The following MRPL34 variants were observed in gnomAD, a reference collection of about 807,000 sequenced individuals.
MRPL34 encodes the protein mitochondrial ribosomal protein L34.
In MRPL34, 8 loss-of-function variants were observed where a neutral mutation model predicts 6.7. The ratio of observed to expected loss-of-function variants is 1.20; its 90% CI spans 0.70 to 2.16. The LOEUF (loss-of-function observed/expected upper bound fraction) is 2.16. Among genes scored for constraint, MRPL34 ranks in the 30% most tolerant of loss-of-function variants. The pLI, the probability that MRPL34 is intolerant of heterozygous loss-of-function variation, is 0.00. For synonymous variants in MRPL34, 59 were observed against 55.1 expected, an observed-to-expected ratio of 1.07 and a Z score of -0.31; for missense variants, 146 against 125.5, an observed-to-expected ratio of 1.16 and a Z score of -0.78.
At chr19:17,294,490 C>G in intron 1 of MRPL34, 1 of 1,613,910 alleles carries the variant, frequency 6.2e-7, no homozygotes, top group Non-Finnish European at 8.5e-7. Context: ...GGCTCCTTGG[C>G]GGGCGAAGCC....
chr19:17,303,392 G>T (rs1026351676), upstream of MRPL34: 1 of 152,228 alleles, frequency 6.6e-6, no homozygotes, highest in African/African-American at 2.4e-5. Flanking sequence ...TCAGCGCAGG[G>T]GCATCCCGCG....
chr19:17,301,292 C>A (rs772333400), upstream of MRPL34: 20 of 1,607,040 alleles, frequency 1.2e-5, no homozygotes, highest in Non-Finnish European at 1.6e-5. Flanking sequence ...TCCCCAGAGC[C>A]ATTCTGCCCG....
At chr19:17,300,058 C>T (rs1043807734), upstream of MRPL34, among the ~76,000 whole-genome samples, 1 of 151,894 alleles carries the variant, frequency 6.6e-6, no homozygotes, top group African/African-American at 2.4e-5. Flanking sequence ...GTGCCCACCA[C>T]CACACCCAGC....
chr19:17,303,024 C>T (rs2074128134), upstream of MRPL34: 1 of 152,210 alleles, frequency 6.6e-6, no homozygotes, highest in Non-Finnish European at 1.5e-5. Flanking sequence ...GGGCCCTAAT[C>T]CCGGATTGTG....
intron 1 of MRPL34, chr19:17,294,435 T>C (rs753031036): frequency 1.2e-6 from 2 of 1,614,136 alleles, no homozygotes; most frequent in South Asian, 2.2e-5. Flanking sequence ...GTACGAAGGA[T>C]GACACGTTGA....
chr19:17,294,591 T>C (rs981887148), intron 1 of MRPL34: 9 of 1,607,372 alleles, frequency 5.6e-6, no homozygotes, highest in Non-Finnish European at 7.7e-6. Context: ...GTCCCAGCGG[T>C]ACAGTCCCCC....
upstream of MRPL34, chr19:17,305,827 C>A: frequency 6.7e-7 from 1 of 1,490,362 alleles, no homozygotes; most frequent in South Asian, 1.1e-5. Context: ...ATCCTTTGTT[C>A]CAGGGCTGGA....
At chr19:17,301,733 G>GGA, upstream of MRPL34, 1 of 1,309,794 alleles carries the variant, frequency 7.6e-7, no homozygotes, top group Non-Finnish European at 9.9e-7. Context: ...TCCAGTTTGG[G>GGA]GAGCGCCAGA....
intron 1 of MRPL34, among the ~76,000 whole-genome samples, chr19:17,293,263 T>A (rs55924783): frequency 0.25 from 37,505 of 151,462 alleles, 4,994 homozygotes; most frequent in Non-Finnish European, 0.3. Context: ...ACCCGGCTAA[T>A]TTTTTGTATT....
At chr19:17,299,143 C>T (rs1013313499), upstream of MRPL34, among the ~76,000 whole-genome samples, 1 of 152,002 alleles carries the variant, frequency 6.6e-6, no homozygotes, top group African/African-American at 2.4e-5. Context: ...GGTATAGCGG[C>T]TCATGCCTGT....
chr19:17,294,810 G>T (rs762255829), intron 1 of MRPL34: 2 of 1,614,184 alleles, frequency 1.2e-6, no homozygotes. Context: ...CACTAGGTCT[G>T]GGTACTCATG....
upstream of MRPL34, among the ~76,000 whole-genome samples, chr19:17,303,964 C>T (rs374454996): frequency 2.0e-5 from 3 of 152,136 alleles, no homozygotes; most frequent in East Asian, 3.9e-4. Flanking sequence ...CCCCCTACGC[C>T]CCCCCCTTTT....
upstream of MRPL34, chr19:17,301,422 C>T (rs755289782): frequency 4.3e-6 from 7 of 1,612,122 alleles, no homozygotes; most frequent in Non-Finnish European, 5.9e-6. Context: ...GGGCTGCATC[C>T]GAGGATGCGG....
chr19:17,292,619 CT>C (rs768280688), exon 1 of MRPL34: 2 of 1,563,458 alleles, frequency 1.3e-6, no homozygotes, highest in Non-Finnish European at 1.7e-6. Context: ...CCTCCTCCTG[CT>C]GCGGCTGTGC....
At chr19:17,294,596 TC>T in intron 1 of MRPL34, 2 of 1,605,766 alleles carry the variant, frequency 1.2e-6, no homozygotes, top group South Asian at 1.1e-5. Flanking sequence ...AGCGGTACAG[TC>T]CCCCCTCCCA....
Position 17,305,976 on chromosome 19 carries a change from C to G in MRPL34, c.65+19C>G, listed in dbSNP as rs556606026. The G allele has an allele frequency of 8.1e-6, 13 of 1,613,810 alleles. No homozygotes were observed. The East Asian group carries it at 2.7e-4, about 33-fold the overall frequency. On this transcript the variant is annotated intron_variant, in intron 1 of 1. Transcript: ENST00000252602. ...GTGGCAGGTAAGTCCTCAGGGGGAC[C>G]CTTCCCCAAATCAGGGAATAAGGGC...
At chr19:17,294,577 C>T in intron 1 of MRPL34, 1 of 1,609,498 alleles carries the variant, frequency 6.2e-7, no homozygotes. Flanking sequence ...CGATGCCAGC[C>T]CTAGTCCCAG....
At position 17,306,449 on chromosome 19, in the gene MRPL34, T is replaced by A; in HGVS notation, c.*70T>A. 2 of 1,399,450 alleles carry A rather than the reference T, an allele frequency of 1.4e-6. No individual in the cohort carries two copies. The highest frequency in any genetic ancestry group is 9.6e-7 in the Non-Finnish European group (1 of 1,046,166). The allele number at this position is 1,399,450 out of a possible 1,614,324, so 86.7% of individuals were successfully genotyped here. ...CGCCTCGGACCTTGCCTGGCGCTATTTTTGCAGGGAGCTGGGGAGCAGGAA... is the reference window on the plus strand; with the variant it reads ...CGCCTCGGACCTTGCCTGGCGCTATATTTGCAGGGAGCTGGGGAGCAGGAA... On this transcript the variant is annotated 3_prime_UTR_variant, in exon 2 of 2. Coordinates refer to ENST00000252602, the MANE Select transcript of MRPL34 (RefSeq NM_023937.4).
At chr19:17,301,867 T>C (rs566847698), upstream of MRPL34, among the ~76,000 whole-genome samples, 55 of 152,028 alleles carry the variant, frequency 3.6e-4, no homozygotes, top group African/African-American at 1.3e-3. Flanking sequence ...GATTTCGGCT[T>C]ACTGCAACCT....
Sources: gnomAD v4.1 joint callset for allele counts (sites outside exome capture counted in the v4.1 genomes callset) on GRCh38, gnomAD v4.1.1 for gene constraint, MANE v1.5 for transcripts, NCBI Gene and HGNC (gene_info 2026-07-23, HGNC 2026-07-21) for gene names.